Variants in DLGAP4 observed in about 807,000 individuals in gnomAD.
The protein encoded by DLGAP4 is DLG associated protein 4, also known as disks large-associated protein 4.
A neutral mutation model predicts 86.9 loss-of-function variants in DLGAP4; 18 were observed. The observed-to-expected ratio is 0.21, with a 90% CI of 0.14 to 0.31. DLGAP4 has a LOEUF of 0.31. Ranked by LOEUF, DLGAP4 falls within the 10% of genes least tolerant of loss-of-function variation. The pLI is 1.00. For synonymous variants in DLGAP4, 548 were observed against 574.3 expected, an observed-to-expected ratio of 0.95 and a Z score of 0.65; for missense variants, 1,085 against 1,362.6, an observed-to-expected ratio of 0.80 and a Z score of 3.21.
At chr20:36,474,109 C>T (rs1235910130) in intron 7 of DLGAP4, among the ~76,000 whole-genome samples, 1 of 152,336 alleles carries the variant, frequency 6.6e-6, no homozygotes, top group East Asian at 1.9e-4. Flanking sequence ...ACAGAGGAAG[C>T]ATTTGAGAAG....
intron 2 of DLGAP4, among the ~76,000 whole-genome samples, chr20:36,371,037 A>G (rs2425220): frequency 0.7 from 106,787 of 152,058 alleles, 38,367 homozygotes; most frequent in African/African-American, 0.86. Context: ...GAGGACTGAG[A>G]CCTAAGTCCA....
At chr20:36,370,873 T>C (rs1374428468) in intron 2 of DLGAP4, among the ~76,000 whole-genome samples, 2 of 152,134 alleles carry the variant, frequency 1.3e-5, no homozygotes, top group East Asian at 3.8e-4. Context: ...GCCATCCAGG[T>C]GAGACAGGGT....
chr20:36,517,250 C>T (rs966851838), intron 10 of DLGAP4, among the ~76,000 whole-genome samples: 35 of 151,902 alleles, frequency 2.3e-4, no homozygotes, highest in African/African-American at 8.0e-4. Context: ...GTGGTGCGGG[C>T]GCCTGTAATC....
chr20:36,339,080 T>C (rs1192982298), intron 1 of DLGAP4, among the ~76,000 whole-genome samples: 1 of 152,162 alleles, frequency 6.6e-6, no homozygotes, highest in Non-Finnish European at 1.5e-5. Context: ...CAGAAGGTAA[T>C]ATGATCTGGT....
chr20:36,414,393 C>T (rs192345378), intron 2 of DLGAP4, among the ~76,000 whole-genome samples: 35 of 152,318 alleles, frequency 2.3e-4, no homozygotes, highest in Non-Finnish European at 1.8e-4. Flanking sequence ...GGCCAGCTGT[C>T]CCCCACCAGC....
chr20:36,379,257 G>A (rs1422527155), intron 2 of DLGAP4, among the ~76,000 whole-genome samples: 1 of 152,226 alleles, frequency 6.6e-6, no homozygotes, highest in East Asian at 1.9e-4. Context: ...GCCAGACCCT[G>A]GAGGCCTCGA....
intron 10 of DLGAP4, among the ~76,000 whole-genome samples, chr20:36,510,068 C>T (rs2036605692): frequency 1.3e-5 from 2 of 151,806 alleles, no homozygotes; most frequent in African/African-American, 2.4e-5. Context: ...AACTCCTGAC[C>T]TCAAGTGATC....
chr20:36,439,645 G>T, intron 4 of DLGAP4, 109 bp from the exon 5 acceptor site: 2 of 891,974 alleles, frequency 2.2e-6, no homozygotes, highest in Non-Finnish European at 3.5e-6. Flanking sequence ...TGCGGCTGCA[G>T]CGGGCATCAC....
chr20:36,525,702 C>A (rs918250805), intron 11 of DLGAP4, 149 bp from the exon 12 acceptor site: 10 of 1,050,204 alleles, frequency 9.5e-6, no homozygotes, highest in Non-Finnish European at 1.2e-5. Flanking sequence ...GGCTTAGATT[C>A]ATTCATACAG....
intron 8 of DLGAP4, chr20:36,497,477 C>A: frequency 9.8e-7 from 1 of 1,024,076 alleles, no homozygotes; most frequent in Non-Finnish European, 1.2e-6. Context: ...CATAGCCCCG[C>A]TTGGCGGCAG....
At position 36,436,289 on chromosome 20, in the gene DLGAP4, C is replaced by G; in HGVS notation, c.1180C>G (p.Arg394Gly). The change falls in exon 4 of 13, where the codon CGG (arginine) becomes GGG (glycine). Residue 394 changes from arginine to glycine, a missense_variant. By Grantham distance (125) the Arg-to-Gly change is moderately radical. This residue lies in a region of DLGAP4 where 1,082 missense variants were observed against 1,344.1 expected (regional missense o/e 0.81). Coordinates refer to ENST00000339266, the MANE Select transcript of DLGAP4 (RefSeq NM_001365621.2). ...SPKPSPKTAA[R>G]RQSYLRATQQ... ...CAAGCCCTCACCCAAGACCGCGGCGCGGCGCCAGAGCTATCTGAGGGCCAC... is the reference window on the plus strand; with the variant it reads ...CAAGCCCTCACCCAAGACCGCGGCGGGGCGCCAGAGCTATCTGAGGGCCAC... 6.2e-7 allele frequency: 1 copy of G among 1,604,774 alleles called. No individual in the cohort carries two copies. Among genetic ancestry groups the G allele is most frequent in the East Asian group, 2.2e-5 (1 of 44,810 alleles).
At chr20:36,506,569 C>T (rs1321453398) in intron 10 of DLGAP4, among the ~76,000 whole-genome samples, 1 of 152,206 alleles carries the variant, frequency 6.6e-6, no homozygotes, top group African/African-American at 2.4e-5. Context: ...AGGTGGCTGC[C>T]TGTATTGACT....
At chr20:36,352,935 G>C (rs1230071804) in intron 1 of DLGAP4, among the ~76,000 whole-genome samples, 2 of 152,164 alleles carry the variant, frequency 1.3e-5, no homozygotes, top group Non-Finnish European at 2.9e-5. Context: ...ATCCACAAGA[G>C]GGGGGCTACG....
At chr20:36,506,590 T>C (rs535626497) in intron 10 of DLGAP4, among the ~76,000 whole-genome samples, 1 of 152,340 alleles carries the variant, frequency 6.6e-6, no homozygotes, top group South Asian at 2.1e-4. Context: ...GAATTTTGCA[T>C]TGCCCTCTTG....
intron 1 of DLGAP4, among the ~76,000 whole-genome samples, chr20:36,349,645 G>C (rs182396435): frequency 1.1e-3 from 170 of 152,176 alleles, no homozygotes; most frequent in Non-Finnish European, 1.9e-3. Context: ...GCAACTTCAT[G>C]GGTCATCGTG....
chr20:36,494,984 G>T (rs1035497522), intron 7 of DLGAP4, among the ~76,000 whole-genome samples: 7 of 75,392 alleles, frequency 9.3e-5, no homozygotes, highest in East Asian at 4.9e-4. Flanking sequence ...TTTTTGTTCG[G>T]TTTTTTTTTT....
chr20:36,321,177 G>A (rs2065163965), intron 1 of DLGAP4, among the ~76,000 whole-genome samples: 1 of 152,174 alleles, frequency 6.6e-6, no homozygotes, highest in East Asian at 1.9e-4. Flanking sequence ...AGGAGGGAGT[G>A]GTCCAAGCTG....
intron 8 of DLGAP4, chr20:36,499,350 T>TTCCCCCCCC: frequency 6.5e-7 from 1 of 1,545,000 alleles, no homozygotes; most frequent in Non-Finnish European, 8.8e-7. Context: ...CTCCACCCCA[T>TTCCCCCCCC]CCCACCTCCC....
chr20:36,401,407 G>A (rs2032156897), intron 2 of DLGAP4, among the ~76,000 whole-genome samples: 1 of 152,222 alleles, frequency 6.6e-6, no homozygotes, highest in Non-Finnish European at 1.5e-5. Context: ...TGAGCTGAGA[G>A]GGGAGCCCCC....
Sources: allele counts gnomAD v4.1 joint callset (sites outside exome capture counted in the v4.1 genomes callset), GRCh38; gene constraint gnomAD v4.1.1; regional missense constraint gnomAD v4.1.1; transcripts MANE v1.5; gene names NCBI Gene and HGNC (gene_info 2026-07-23, HGNC 2026-07-21).